FRMPD4: variants seen among roughly 807,000 people sequenced by gnomAD.
FRMPD4 encodes the protein FERM and PDZ domain-containing protein 4.
In FRMPD4, 22 loss-of-function variants were observed where a neutral mutation model predicts 94.1. The ratio of observed to expected loss-of-function variants is 0.23; its 90% CI spans 0.17 to 0.33. The LOEUF (loss-of-function observed/expected upper bound fraction) is 0.33, where lower values mean the gene tolerates loss of function less well. FRMPD4 is among the 10% of genes least tolerant of loss of function. The pLI, the probability that FRMPD4 is intolerant of heterozygous loss-of-function variation, is 1.00. For missense variants in FRMPD4, 1,111 were observed against 1,339.9 expected (o/e 0.83, Z 2.67); for synonymous variants, 631 against 548.6 (o/e 1.15, Z -2.10).
chrX:12,375,650 TC>T (rs2056226068), intron 1 of FRMPD4, among the ~76,000 whole-genome samples: 1 of 112,413 alleles, frequency 8.9e-6, no homozygotes, highest in Non-Finnish European at 1.9e-5. Context: ...GGTCAGCCGA[TC>T]AATAAACTTC....
chrX:12,536,326 C>T (rs930038999), intron 2 of FRMPD4, among the ~76,000 whole-genome samples: 14 of 97,933 alleles, frequency 1.4e-4, no homozygotes, highest in African/African-American at 2.6e-4. Flanking sequence ...AAAGAAATCA[C>T]GAAAAATTGT....
chrX:12,317,376 G>T (rs1053727602), intron 1 of FRMPD4, among the ~76,000 whole-genome samples: 2 of 110,812 alleles, frequency 1.8e-5, no homozygotes, highest in Non-Finnish European at 3.8e-5. Flanking sequence ...ACTGGGCAAA[G>T]ATTTTTTGAA....
intron 1 of FRMPD4, among the ~76,000 whole-genome samples, chrX:12,360,177 T>G (rs2055962970): frequency 8.9e-6 from 1 of 112,416 alleles, no homozygotes; most frequent in South Asian, 3.8e-4. Flanking sequence ...ACCTTGATCA[T>G]TAAAGGAATT....
Position 11,893,431 on chromosome X carries a change from G to GGT in FRMPD4, c.95+15414_95+15415dup, listed in dbSNP as rs1383345790. ...TATAAGTTTTGCCTGAATTCTTAAA[G>GGT]GTTTTAAGTTAAGATTTCTTACTGC... is the stretch of plus-strand genomic sequence containing the variant. On this transcript the variant is annotated intron_variant, in intron 3 of 18. Transcript: ENST00000640291. Among the ~76,000 whole-genome samples the GGT allele has an allele frequency of 3.6e-5, 4 of 112,061 alleles. No homozygotes were observed. In the East Asian group the frequency reaches 1.1e-3, roughly 31 times the overall value.
chrX:11,837,773 T>C (rs2053509741), intron 1 of FRMPD4, among the ~76,000 whole-genome samples: 1 of 111,839 alleles, frequency 8.9e-6, no homozygotes, highest in African/African-American at 3.2e-5. Context: ...TTAAGGAATT[T>C]GTAGCAGTAC....
chrX:12,669,492 TC>T (rs1331485941), intron 4 of FRMPD4, among the ~76,000 whole-genome samples: 10 of 54,711 alleles, frequency 1.8e-4, no homozygotes, highest in African/African-American at 6.2e-4. Context: ...CAACTAGCTT[TC>T]TGGGCTTTCT....
intron 1 of FRMPD4, among the ~76,000 whole-genome samples, chrX:12,478,183 TC>T (rs1397364113): frequency 2.7e-5 from 3 of 111,841 alleles, no homozygotes; most frequent in Non-Finnish European, 3.8e-5. Context: ...CACCTTCTGC[TC>T]CCAGGAAGAA....
At chrX:12,533,673 G>A (rs2058308909) in intron 2 of FRMPD4, among the ~76,000 whole-genome samples, 1 of 112,144 alleles carries the variant, frequency 8.9e-6, no homozygotes, top group Non-Finnish European at 1.9e-5. Context: ...CAAAGAGACT[G>A]CTGGCATTTT....
intron 4 of FRMPD4, among the ~76,000 whole-genome samples, chrX:12,629,075 A>G (rs2059372994): frequency 1.8e-5 from 2 of 112,087 alleles, no homozygotes; most frequent in African/African-American, 6.5e-5. Flanking sequence ...CTCATGATTC[A>G]ATTATTTTCC....
intron 3 of FRMPD4, among the ~76,000 whole-genome samples, chrX:12,088,787 A>G (rs1343598552): frequency 1.8e-5 from 2 of 112,576 alleles, no homozygotes; most frequent in East Asian, 5.5e-4. Flanking sequence ...TTTTCCTGTC[A>G]GTTAAATCAA....
At chrX:12,408,873 T>C (rs1601909089) in intron 1 of FRMPD4, among the ~76,000 whole-genome samples, 1 of 111,784 alleles carries the variant, frequency 8.9e-6, no homozygotes, top group East Asian at 2.8e-4. Context: ...TTCAGGAGGA[T>C]AATGACATCA....
chrX:11,891,406 A>T (rs964103763), intron 3 of FRMPD4, among the ~76,000 whole-genome samples: 1 of 112,383 alleles, frequency 8.9e-6, no homozygotes, highest in Non-Finnish European at 1.9e-5. Context: ...ATGAAGAATG[A>T]GGGACAAGTG....
chrX:12,139,025 C>G lies in FRMPD4; in HGVS notation c.41+13C>G, dbSNP rs772812169. On this transcript the variant is annotated intron_variant, in intron 1 of 16. Coordinates refer to ENST00000675598, the MANE Select transcript of FRMPD4 (RefSeq NM_001368397.1). ...CAAAGCTTTCGAGGTAGGGGCTGCG[C>G]GGGTTCCGTTTGCACCCAGGGCCGC... 2 of 1,138,885 alleles carry G rather than the reference C, an allele frequency of 1.8e-6. No individual in the cohort carries two copies. Among genetic ancestry groups the G allele is most frequent in the East Asian group, 3.3e-5 (1 of 30,754 alleles). The allele number at this position is 1,138,885 out of a possible 1,213,427, so 93.9% of individuals were successfully genotyped here.
intron 3 of FRMPD4, among the ~76,000 whole-genome samples, chrX:12,069,646 G>A (rs894474497): frequency 4.5e-5 from 5 of 111,587 alleles, no homozygotes; most frequent in African/African-American, 1.6e-4. Flanking sequence ...ACTCAATCCA[G>A]GAAGCTTGAT....
intron 3 of FRMPD4, among the ~76,000 whole-genome samples, chrX:12,056,237 C>T (rs776170149): frequency 2.7e-5 from 3 of 111,712 alleles, no homozygotes; most frequent in South Asian, 3.7e-4. Flanking sequence ...ATTTATTTAA[C>T]GTGTATACAT....
In FRMPD4 at chrX:12,718,424, T is replaced by C. The variant is rs1055429063; in HGVS notation, c.3598T>C (p.Ser1200Pro). The C allele has an allele frequency of 5.0e-6, 6 of 1,208,989 alleles. No homozygotes were observed. The highest frequency in any genetic ancestry group is 6.7e-6 in the Non-Finnish European group (6 of 893,998). Residue 1200 changes from serine (S) to proline (P), a missense_variant, in exon 16 of 17, where the codon TCA becomes CCA. Coordinates refer to ENST00000675598, the MANE Select transcript of FRMPD4 (RefSeq NM_001368397.1). ...TGACTACCACTTGGCCAAGCGGATG[T>C]CATCACTGCAAAGCGAGGGCCATTT... ...LCDYHLAKRM[S>P]SLQSEGHFSL... is the part of the protein sequence containing the mutation.
chrX:11,925,566 T>A (rs1341858058), intron 3 of FRMPD4, among the ~76,000 whole-genome samples: 1 of 112,159 alleles, frequency 8.9e-6, no homozygotes, highest in Non-Finnish European at 1.9e-5. Context: ...CAGACCATAG[T>A]GCAATCAAAT....
chrX:12,589,526 A>G (rs1405202365), intron 2 of FRMPD4, among the ~76,000 whole-genome samples: 1 of 111,935 alleles, frequency 8.9e-6, no homozygotes, highest in Non-Finnish European at 1.9e-5. Flanking sequence ...GATTAAAAAT[A>G]TTAGCAATTA....
At position 12,224,508 on chromosome X, in the gene FRMPD4, A is replaced by G. The variant is rs775291643; in HGVS notation, c.41+85496A>G. 2.7e-5 allele frequency among the ~76,000 whole-genome samples: 3 copies of G among 111,991 alleles called. No homozygotes were observed. In the East Asian group the frequency reaches 8.4e-4, roughly 31 times the overall value. On this transcript the variant is annotated intron_variant, in intron 1 of 16. Transcript: ENST00000675598. Reference sequence around the variant, plus strand: ...AATGAACAGAATTTAGAAAGGGGGAATTCACATTATGAAGAATTTAGAGGG... The same window carrying G: ...AATGAACAGAATTTAGAAAGGGGGAGTTCACATTATGAAGAATTTAGAGGG...
Sources: gnomAD v4.1 joint callset for allele counts (sites outside exome capture counted in the v4.1 genomes callset) on GRCh38, gnomAD v4.1.1 for gene constraint, MANE v1.5 for transcripts, NCBI Gene and HGNC (gene_info 2026-07-23, HGNC 2026-07-21) for gene names.